The following KCNJ12 variants were observed in gnomAD, a reference collection of about 807,000 sequenced individuals.
The protein encoded by KCNJ12 is ATP-sensitive inward rectifier potassium channel 12.
A neutral mutation model predicts 22.3 loss-of-function variants in KCNJ12; 2 were observed. The observed-to-expected ratio is 0.09, with a 90% CI of 0.04 to 0.28. The LOEUF (loss-of-function observed/expected upper bound fraction) is 0.28, where lower values mean the gene tolerates loss of function less well. Ranked by LOEUF, KCNJ12 falls within the 10% of genes least tolerant of loss-of-function variation. The pLI is 1.00. For missense variants in KCNJ12, 155 were observed against 633.3 expected (o/e 0.24, Z 8.11); for synonymous variants, 117 against 261.4 (o/e 0.45, Z 5.33).
At chr17:21,387,536 T>A (rs2144772994) in intron 1 of KCNJ12, among the ~76,000 whole-genome samples, 2 of 151,396 alleles carry the variant, frequency 1.3e-5, no homozygotes, top group East Asian at 3.9e-4. Context: ...TGGCATCAGC[T>A]ACCAGCAGTG....
intron 1 of KCNJ12, among the ~76,000 whole-genome samples, chr17:21,378,223 T>G (rs1904737108): frequency 6.6e-6 from 1 of 152,194 alleles, no homozygotes; most frequent in Non-Finnish European, 1.5e-5. Context: ...CGGCCCCTCC[T>G]CGCGCAGCTC....
At chr17:21,414,151 G>A (rs1167451239) in intron 2 of KCNJ12, among the ~76,000 whole-genome samples, 2 of 152,304 alleles carry the variant, frequency 1.3e-5, no homozygotes, top group African/African-American at 2.4e-5. Context: ...GGCGACAGGG[G>A]TGGCAGGCCG....
At chr17:21,382,567 C>T (rs938892368) in intron 1 of KCNJ12, among the ~76,000 whole-genome samples, 22 of 152,168 alleles carry the variant, frequency 1.4e-4, no homozygotes, top group South Asian at 6.2e-4. Context: ...TCAACTCCAG[C>T]GGCTTTAGTG....
rs1195919457 is a variant in KCNJ12 at position 21,391,473 on chromosome 17, C to T, written c.-179+14560C>T. On this transcript the variant is annotated intron_variant, in intron 1 of 2. Coordinates refer to ENST00000583088, the MANE Select transcript of KCNJ12 (RefSeq NM_021012.5). Reference sequence around the variant, plus strand: ...ACTGTCCTGCTGCTCCCCAGCTTCTCCTCATGGCCATCCCCTGTGATGCTT... The same window carrying T: ...ACTGTCCTGCTGCTCCCCAGCTTCTTCTCATGGCCATCCCCTGTGATGCTT... Among the ~76,000 whole-genome samples the T allele has an allele frequency of 7.2e-5, 11 of 152,216 alleles. 1 individual carries two copies. The highest frequency in any genetic ancestry group is 7.2e-4 in the Admixed American group (11 of 15,288).
intron 1 of KCNJ12, among the ~76,000 whole-genome samples, chr17:21,387,804 A>C (rs1905115248): frequency 6.6e-6 from 1 of 152,176 alleles, no homozygotes; most frequent in Non-Finnish European, 1.5e-5. Context: ...ATGCTGCTGT[A>C]ATTCCTGGAC....
At chr17:21,385,268 G>C (rs1253408704) in intron 1 of KCNJ12, among the ~76,000 whole-genome samples, 2 of 152,214 alleles carry the variant, frequency 1.3e-5, no homozygotes, top group Non-Finnish European at 2.9e-5. Flanking sequence ...ATCTGTCTCA[G>C]TGTCTGTGGG....
intron 1 of KCNJ12, among the ~76,000 whole-genome samples, chr17:21,391,066 G>C (rs1236106797): frequency 6.6e-6 from 1 of 152,200 alleles, no homozygotes; most frequent in Non-Finnish European, 1.5e-5. Flanking sequence ...TGCACGGGTA[G>C]CCTTCTGTGG....
intron 1 of KCNJ12, among the ~76,000 whole-genome samples, chr17:21,387,345 G>T (rs1320397474): frequency 1.3e-5 from 2 of 150,398 alleles, no homozygotes; most frequent in African/African-American, 4.9e-5. Context: ...GGGAGGCTGA[G>T]GCAGGAGAAT....
chr17:21,395,568 C>CAAAAAAAAAAAAAAAAAAAAA (rs10652801), intron 1 of KCNJ12, among the ~76,000 whole-genome samples: 112 of 48,066 alleles, frequency 2.3e-3, no homozygotes, highest in Non-Finnish European at 2.4e-3. Context: ...GACTTCTTCT[C>CAAAAAAAAAAAAAAAAAAAAA]AAAAAAAAAA....
chr17:21,391,651 G>A (rs781828666), intron 1 of KCNJ12, among the ~76,000 whole-genome samples: 7 of 152,156 alleles, frequency 4.6e-5, no homozygotes, highest in African/African-American at 1.4e-4. Flanking sequence ...CTGCACACTC[G>A]CTCCCCTGCA....
intron 1 of KCNJ12, among the ~76,000 whole-genome samples, chr17:21,396,671 TGAC>T (rs1905376686): frequency 6.6e-6 from 1 of 152,160 alleles, no homozygotes; most frequent in Non-Finnish European, 1.5e-5. Flanking sequence ...TCTGTGAGGA[TGAC>T]GACAAGAGGA....
chr17:21,377,625 G>A (rs558590132), intron 1 of KCNJ12, among the ~76,000 whole-genome samples: 34 of 152,178 alleles, frequency 2.2e-4, no homozygotes, highest in African/African-American at 7.2e-4. Flanking sequence ...GGGGAGCGGG[G>A]CGGGAATCAG....
At chr17:21,398,235 T>C (rs1023841204) in intron 1 of KCNJ12, among the ~76,000 whole-genome samples, 1 of 152,170 alleles carries the variant, frequency 6.6e-6, no homozygotes, top group Non-Finnish European at 1.5e-5. Context: ...GGCCCGAGTC[T>C]GTGTGCATGC....
chr17:21,412,812 C>T (rs146117436), intron 2 of KCNJ12, among the ~76,000 whole-genome samples: 1 of 152,422 alleles, frequency 6.6e-6, no homozygotes, highest in East Asian at 1.9e-4. Flanking sequence ...TGGGGGACGG[C>T]GCTAGAGGTG....
intron 1 of KCNJ12, among the ~76,000 whole-genome samples, chr17:21,382,963 C>T (rs782412899): frequency 6.6e-6 from 1 of 151,186 alleles, no homozygotes; most frequent in Non-Finnish European, 1.5e-5. Flanking sequence ...GAGAGGGTCC[C>T]CACAGCCGGA....
chr17:21,392,387 G>T (rs1905231259), intron 1 of KCNJ12, among the ~76,000 whole-genome samples: 1 of 152,250 alleles, frequency 6.6e-6, no homozygotes, highest in African/African-American at 2.4e-5. Flanking sequence ...GACGAGTCTG[G>T]CCACCGCAGC....
At chr17:21,411,117 AG>A (rs1339714459) in intron 2 of KCNJ12, among the ~76,000 whole-genome samples, 1 of 152,308 alleles carries the variant, frequency 6.6e-6, no homozygotes, top group Admixed American at 6.5e-5. Flanking sequence ...ATGTGGGTCC[AG>A]GCCTTGCCCT....
In KCNJ12 at chr17:21,415,274, G is replaced by T. The variant is rs59891808; in HGVS notation, c.-56-13G>T. 6.9e-7 allele frequency: 1 copy of T among 1,448,706 alleles called. No individual in the cohort carries two copies. Among genetic ancestry groups the T allele is most frequent in the African/African-American group, 1.4e-5 (1 of 71,466 alleles). The allele number at this position is 1,448,706 out of a possible 1,614,324, so 89.7% of individuals were successfully genotyped here. A position where few individuals can be genotyped will look rare whatever the true frequency, so the allele number is the denominator to read the frequency against. On this transcript the variant is annotated splice_polypyrimidine_tract_variant and intron_variant, in intron 2 of 2. Transcript: ENST00000583088. ...CACCAGCCCAGCCAGACATGCTGTC[G>T]TCTCTGTTGCAGGAGCCGCCCTGCC...
chr17:21,383,396 G>A (rs1401117892), intron 1 of KCNJ12, among the ~76,000 whole-genome samples: 2 of 151,598 alleles, frequency 1.3e-5, no homozygotes, highest in African/African-American at 2.4e-5. Flanking sequence ...GGGCTGGGGG[G>A]CGCCGAGGCC....
Sources: allele counts gnomAD v4.1 joint callset (sites outside exome capture counted in the v4.1 genomes callset), GRCh38; gene constraint gnomAD v4.1.1; transcripts MANE v1.5; gene names NCBI Gene and HGNC (gene_info 2026-07-23, HGNC 2026-07-21).